The following PTK2 variants were observed in gnomAD, a reference collection of about 807,000 sequenced individuals.
The protein encoded by PTK2 is protein tyrosine kinase 2, also known as focal adhesion kinase 1.
A neutral mutation model predicts 150.1 loss-of-function variants in PTK2; 45 were observed. That is an observed-to-expected ratio of 0.30 (90% CI 0.24 to 0.38). PTK2 has a LOEUF of 0.38. PTK2 is among the 10% of genes least tolerant of loss of function. The pLI, the probability that PTK2 is intolerant of heterozygous loss-of-function variation, is 1.00. For missense variants in PTK2, 919 were observed against 1,307.3 expected, an observed-to-expected ratio of 0.70 and a Z score of 4.58; for synonymous variants, 432 against 449.2, an observed-to-expected ratio of 0.96 and a Z score of 0.48.
chr8:140,853,855 A>G (rs2100130893), intron 5 of PTK2, among the ~76,000 whole-genome samples: 1 of 152,206 alleles, frequency 6.6e-6, no homozygotes, highest in African/African-American at 2.4e-5. Flanking sequence ...CTATACTGAG[A>G]ATGCCAGGCT....
At chr8:140,728,710 G>A (rs937917135) in intron 22 of PTK2, among the ~76,000 whole-genome samples, 15 of 151,976 alleles carry the variant, frequency 9.9e-5, no homozygotes, top group Non-Finnish European at 1.8e-4. Context: ...TAGTAGAGGC[G>A]GGGTTTTACC....
intron 12 of PTK2, among the ~76,000 whole-genome samples, chr8:140,795,573 ATATAT>A (rs1221306490): frequency 6.6e-6 from 1 of 152,120 alleles, no homozygotes; most frequent in Non-Finnish European, 1.5e-5. Context: ...ACATCATTTG[ATATAT>A]TATATGCTAC....
intron 1 of PTK2, among the ~76,000 whole-genome samples, chr8:141,000,170 CAG>C (rs775354654): frequency 6.0e-5 from 9 of 149,774 alleles, no homozygotes; most frequent in Non-Finnish European, 1.3e-4. Flanking sequence ...ACAAGGAACC[CAG>C]AGAGAAATTC....
At chr8:140,913,121 G>T (rs1441723624) in intron 2 of PTK2, among the ~76,000 whole-genome samples, 3 of 151,998 alleles carry the variant, frequency 2.0e-5, no homozygotes, top group Non-Finnish European at 2.9e-5. Context: ...CATAGATGAA[G>T]ATATAAAGGT....
intron 14 of PTK2, chr8:140,771,514 G>A (rs1461172835): frequency 1.3e-5 from 2 of 152,214 alleles, no homozygotes; most frequent in South Asian, 4.1e-4. Context: ...TGAAGTCAAA[G>A]CCAGGGATGC....
chr8:140,984,872 TC>T (rs2100192749), intron 1 of PTK2, among the ~76,000 whole-genome samples: 1 of 152,074 alleles, frequency 6.6e-6, no homozygotes, highest in East Asian at 1.9e-4. Context: ...TCCCCCGAGT[TC>T]CTTGAAATGT....
At chr8:140,971,570 A>AT (rs1309875539) in intron 1 of PTK2, among the ~76,000 whole-genome samples, 1 of 152,170 alleles carries the variant, frequency 6.6e-6, no homozygotes, top group Non-Finnish European at 1.5e-5. Flanking sequence ...TCTGCAATCA[A>AT]TTTTTTCTAC....
chr8:140,969,053 T>C (rs866895231), intron 1 of PTK2, among the ~76,000 whole-genome samples: 32 of 152,266 alleles, frequency 2.1e-4, no homozygotes, highest in Middle Eastern at 6.8e-3. Flanking sequence ...TCACTCCTCT[T>C]GAAAGCAACT....
At chr8:140,913,973 T>C (rs2100164204) in intron 2 of PTK2, among the ~76,000 whole-genome samples, 1 of 152,192 alleles carries the variant, frequency 6.6e-6, no homozygotes, top group Admixed American at 6.5e-5. Context: ...ACCAAAGATT[T>C]CATTACTGTT....
intron 4 of PTK2, among the ~76,000 whole-genome samples, chr8:140,866,482 C>A (rs1373357904): frequency 6.6e-6 from 1 of 152,166 alleles, no homozygotes; most frequent in African/African-American, 2.4e-5. Flanking sequence ...AACATGGGCT[C>A]TAGATAAAGA....
At position 140,682,380 on chromosome 8, in the gene PTK2, C is replaced by T. The variant is rs184060602; in HGVS notation, c.2562+4252G>A. Among the ~76,000 whole-genome samples, 152 of 152,154 alleles carry T rather than the reference C, an allele frequency of 1.0e-3. 1 individual carries two copies. The highest frequency in any genetic ancestry group is 3.2e-3 in the African/African-American group (134 of 41,524). On this transcript the variant is annotated intron_variant, in intron 27 of 31. Coordinates refer to ENST00000522684, the Ensembl canonical transcript of PTK2. Reference sequence around the variant, plus strand: ...GCAAGACCCTGTCTCAAAACAAAAACGAAAACAACAACAACAAAAAATTTA... The same window carrying T: ...GCAAGACCCTGTCTCAAAACAAAAATGAAAACAACAACAACAAAAAATTTA...
intron 8 of PTK2, chr8:140,820,876 T>TG (rs1380615565): frequency 1.3e-5 from 2 of 152,000 alleles, no homozygotes; most frequent in Non-Finnish European, 2.9e-5. Flanking sequence ...GTCAGGGACA[T>TG]GGGGAGCAGC....
chr8:140,842,388 ACAAT>A (rs2100122866), intron 7 of PTK2, among the ~76,000 whole-genome samples: 1 of 152,018 alleles, frequency 6.6e-6, no homozygotes, highest in African/African-American at 2.4e-5. Context: ...ATCCTGATTG[ACAAT>A]CAATATCTCC....
intron 1 of PTK2, among the ~76,000 whole-genome samples, chr8:140,976,225 C>T (rs2154609790): frequency 6.6e-6 from 1 of 152,308 alleles, no homozygotes. Context: ...AAACAGACTA[C>T]ACAACTACAA....
At chr8:140,847,822 TC>T (rs1338797558) in intron 5 of PTK2, among the ~76,000 whole-genome samples, 1 of 152,186 alleles carries the variant, frequency 6.6e-6, no homozygotes, top group Non-Finnish European at 1.5e-5. Flanking sequence ...AATGACTGCC[TC>T]CTAGCCTGCT....
chr8:140,880,294 AC>A (rs1473414546), intron 3 of PTK2, among the ~76,000 whole-genome samples: 1 of 152,244 alleles, frequency 6.6e-6, no homozygotes, highest in African/African-American at 2.4e-5. Context: ...AGAGAAGGTC[AC>A]CTTTGAATGA....
At chr8:140,803,218 T>A (rs984100164) in intron 11 of PTK2, among the ~76,000 whole-genome samples, 1 of 151,926 alleles carries the variant, frequency 6.6e-6, no homozygotes, top group African/African-American at 2.4e-5. Context: ...TTTCACCATG[T>A]GAACCCTGGC....
At chr8:140,944,085 G>A (rs896514751) in intron 1 of PTK2, among the ~76,000 whole-genome samples, 4 of 152,188 alleles carry the variant, frequency 2.6e-5, no homozygotes, top group Non-Finnish European at 5.9e-5. Flanking sequence ...TGCAAAGACG[G>A]ATTGAAAGAA....
intron 1 of PTK2, among the ~76,000 whole-genome samples, chr8:140,967,710 G>A (rs1001604631): frequency 4.0e-5 from 6 of 151,826 alleles, no homozygotes; most frequent in African/African-American, 1.2e-4. Flanking sequence ...TGCCCGCCTC[G>A]GCCTCCCAAA....
Sources: allele counts gnomAD v4.1 joint callset (sites outside exome capture counted in the v4.1 genomes callset), GRCh38; gene constraint gnomAD v4.1.1; transcripts MANE v1.5; gene names NCBI Gene and HGNC (gene_info 2026-07-23, HGNC 2026-07-21).